Variants in TNFRSF13B observed in about 807,000 individuals in gnomAD.
TNFRSF13B encodes the protein tumor necrosis factor receptor superfamily member 13B.
In TNFRSF13B, 34 loss-of-function variants were observed where a neutral mutation model predicts 24.0. The ratio of observed to expected loss-of-function variants is 1.41; its 90% CI spans 1.08 to 1.88. The LOEUF (loss-of-function observed/expected upper bound fraction) is 1.88. TNFRSF13B is among the 40% of genes most tolerant of loss of function. The pLI, the probability that TNFRSF13B is intolerant of heterozygous loss-of-function variation, is 0.00. For missense variants in TNFRSF13B, 415 were observed against 380.8 expected (o/e 1.09, Z -0.75); for synonymous variants, 173 against 150.3 (o/e 1.15, Z -1.10).
At chr17:16,971,848 G>C (rs560711674) in intron 1 of TNFRSF13B, among the ~76,000 whole-genome samples, 167 bp downstream of exon 1, 1 of 152,164 alleles carries the variant, frequency 6.6e-6, no homozygotes, top group South Asian at 2.1e-4. Flanking sequence ...GAGGCATCCA[G>C]ACTCGGGGCT....
rs150627250 is a variant in TNFRSF13B, at chr17:16,958,193, T to C, written c.62-5610A>G. On this transcript the variant is annotated intron_variant, in intron 1 of 4. Coordinates refer to ENST00000261652, the MANE Select transcript of TNFRSF13B (RefSeq NM_012452.3). ...AAACTAGGACGTCATAAGTTTAAGA[T>C]ATTAATTGTAATCCCCAAGAAAATA... 8.0e-4 allele frequency among the ~76,000 whole-genome samples: 122 copies of C among 152,120 alleles called. No individual in the cohort carries two copies. The East Asian group carries it at 0.02, about 25-fold the overall frequency.
At chr17:16,962,834 C>G (rs550915516) in intron 1 of TNFRSF13B, among the ~76,000 whole-genome samples, 1 of 152,082 alleles carries the variant, frequency 6.6e-6, no homozygotes, top group East Asian at 1.9e-4. Context: ...CAACTGAAAA[C>G]GCACCCCTCC....
chr17:16,950,265 C>T (rs971071550), intron 2 of TNFRSF13B, among the ~76,000 whole-genome samples: 3 of 152,176 alleles, frequency 2.0e-5, no homozygotes, highest in African/African-American at 7.2e-5. Context: ...GTGGTCTTAG[C>T]CTCTCCGTGC....
In TNFRSF13B at chr17:16,940,691, C is replaced by CTGG; in HGVS notation, c.446-181_446-180insCCA. 5.5e-6 allele frequency: 8 copies of CTGG among 1,467,204 alleles called. No individual in the cohort carries two copies. The South Asian group carries it at 1.1e-4, about 20-fold the overall frequency. 90.9% of individuals were successfully genotyped at this position (1,467,204 alleles called of 1,614,324 possible). On this transcript the variant is annotated intron_variant, in intron 3 of 4. Coordinates refer to ENST00000261652, the MANE Select transcript of TNFRSF13B (RefSeq NM_012452.3). ...CTCTGGATCCTGGAGGAAGTTGATC[C>CTGG]ACTCCCCCATCCTGGCAGCAACTTT...
chr17:16,945,302 G>T (rs2087539917), intron 3 of TNFRSF13B, among the ~76,000 whole-genome samples: 1 of 150,124 alleles, frequency 6.7e-6, no homozygotes, highest in African/African-American at 2.5e-5. Context: ...CTGGCAAGGG[G>T]GCTTGGCTGA....
chr17:16,962,505 T>TC lies in TNFRSF13B; in HGVS notation c.61+9509dup, dbSNP rs561141175. Among the ~76,000 whole-genome samples, 302 of 126,426 alleles carry TC rather than the reference T, an allele frequency of 2.4e-3. 1 individual carries two copies. The highest frequency in any genetic ancestry group is 2.5e-3 in the Non-Finnish European group (154 of 60,908). The allele number at this position is 126,426 out of a possible 152,430, so 82.9% of individuals were successfully genotyped here. Reference sequence around the variant, plus strand: ...CTGGGCCACAGAGTGAGACTCGGTCTCCCCCCCCAAAAAAAAAGAAAGAAA... The same window carrying TC: ...CTGGGCCACAGAGTGAGACTCGGTCTCCCCCCCCCAAAAAAAAAGAAAGAAA... On this transcript the variant is annotated intron_variant, in intron 1 of 4. Transcript: ENST00000261652.
chr17:16,971,607 G>C (rs2087745195), intron 1 of TNFRSF13B, among the ~76,000 whole-genome samples: 1 of 152,126 alleles, frequency 6.6e-6, no homozygotes, highest in African/African-American at 2.4e-5. Context: ...AAGGTATGAT[G>C]CTTAGTTTTT....
intron 1 of TNFRSF13B, among the ~76,000 whole-genome samples, chr17:16,971,528 CAGTT>C (rs2087744675): frequency 6.6e-6 from 1 of 152,118 alleles, no homozygotes; most frequent in South Asian, 2.1e-4. Flanking sequence ...ATTGGTGAGA[CAGTT>C]GGTACAGTTT....
chr17:16,969,964 C>G (rs7224182), intron 1 of TNFRSF13B, among the ~76,000 whole-genome samples: 18,453 of 152,116 alleles, frequency 0.12, 2,915 homozygotes, highest in African/African-American at 0.37. Flanking sequence ...GTGGGCAGGA[C>G]GTTCTATGTG....
chr17:16,957,633 A>G (rs1334507807), intron 1 of TNFRSF13B, among the ~76,000 whole-genome samples: 1 of 152,242 alleles, frequency 6.6e-6, no homozygotes, highest in African/African-American at 2.4e-5. Context: ...ACAAAGGATC[A>G]TCAATACGGT....
chr17:16,947,604 A>G (rs777307711), intron 3 of TNFRSF13B, among the ~76,000 whole-genome samples: 6 of 152,236 alleles, frequency 3.9e-5, no homozygotes, highest in Non-Finnish European at 8.8e-5. Flanking sequence ...AAAATGCTCA[A>G]CATCACTGAT....
chr17:16,952,125 C>T (rs996352868), intron 2 of TNFRSF13B, among the ~76,000 whole-genome samples: 1 of 152,066 alleles, frequency 6.6e-6, no homozygotes, highest in East Asian at 1.9e-4. Context: ...ACTGGGTGGT[C>T]AGAGGAGACC....
chr17:16,966,537 T>C (rs1361827717), intron 1 of TNFRSF13B, among the ~76,000 whole-genome samples: 5 of 152,210 alleles, frequency 3.3e-5, no homozygotes, highest in Non-Finnish European at 1.5e-5. Flanking sequence ...ACCATATTCA[T>C]GCTGAGATTG....
Position 16,940,514 on chromosome 17 carries a change from G to T in TNFRSF13B, c.446-3C>A, listed in dbSNP as rs2087502661. On this transcript the variant is annotated splice_region_variant and splice_polypyrimidine_tract_variant and intron_variant, in intron 3 of 4. Coordinates refer to ENST00000261652, the MANE Select transcript of TNFRSF13B (RefSeq NM_012452.3). ...ACTCAGCTTCAGCCCCGGGAGAGCT[G>T]CAAGACAGCATGAGACCCCTCTCTG... The T allele has an allele frequency of 6.8e-6, 11 of 1,612,738 alleles. No individual in the cohort carries two copies. The highest frequency in any genetic ancestry group is 9.3e-6 in the Non-Finnish European group (11 of 1,179,894).
In TNFRSF13B at chr17:16,940,391, C is replaced by G. The variant is rs199777698; in HGVS notation, c.566G>C (p.Arg189Thr). 7.4e-6 allele frequency: 12 copies of G among 1,613,972 alleles called. No homozygotes were observed. In the South Asian group the frequency reaches 9.9e-5, roughly 13 times the overall value. ...LVAVACFLKK[R>T]GDPCSCQPRS... The stretch of plus-strand genomic sequence containing the variant: ...GGGCTGGCAGGAGCAGGGATCCCCC[C>G]TCTTCTTGAGGAAGCAGGCCACCGC... The change falls in exon 4 of 5, where the codon AGG becomes ACG. Residue 189 changes from arginine to threonine, a missense_variant. By Grantham distance (71) the Arg-to-Thr change is moderately conservative. Transcript: ENST00000261652.
chr17:16,967,946 G>C (rs1597670164), intron 1 of TNFRSF13B, among the ~76,000 whole-genome samples: 1 of 151,078 alleles, frequency 6.6e-6, no homozygotes, highest in East Asian at 1.9e-4. Context: ...GACCATCCTG[G>C]CTAACACGGT....
intron 1 of TNFRSF13B, among the ~76,000 whole-genome samples, chr17:16,967,793 A>G (rs1265265810): frequency 6.7e-6 from 1 of 149,036 alleles, no homozygotes; most frequent in Non-Finnish European, 1.5e-5. Context: ...AAAAAAAAAG[A>G]AACCAAACAC....
rs750943226 is a variant in TNFRSF13B at position 16,940,559 on chromosome 17, C to G, written c.446-48G>C. On this transcript the variant is annotated intron_variant, in intron 3 of 4. Coordinates refer to ENST00000261652, the MANE Select transcript of TNFRSF13B (RefSeq NM_012452.3). ...TCTCTGCAGTGCCTTCTTCTCTTCC[C>G]GTCATTAGGCTCAAGCAATCCACAT... is the stretch of plus-strand genomic sequence containing the variant. 5 of 1,590,182 alleles carry G rather than the reference C, an allele frequency of 3.1e-6. No homozygotes were observed. In the East Asian group the frequency reaches 1.1e-4, roughly 36 times the overall value.
At chr17:16,969,965 G>A (rs1216213272) in intron 1 of TNFRSF13B, among the ~76,000 whole-genome samples, 1 of 152,116 alleles carries the variant, frequency 6.6e-6, no homozygotes, top group East Asian at 1.9e-4. Flanking sequence ...TGGGCAGGAC[G>A]TTCTATGTGA....
Sources: allele counts gnomAD v4.1 joint callset (sites outside exome capture counted in the v4.1 genomes callset), GRCh38; gene constraint gnomAD v4.1.1; transcripts MANE v1.5; gene names NCBI Gene and HGNC (gene_info 2026-07-23, HGNC 2026-07-21).